Variants in CADPS observed in about 807,000 individuals in gnomAD.
CADPS encodes calcium-dependent secretion activator 1.
CADPS carries 57 observed loss-of-function variants against 167.3 expected under a neutral mutation model. The ratio of observed to expected loss-of-function variants is 0.34; its 90% CI spans 0.28 to 0.42. The LOEUF (loss-of-function observed/expected upper bound fraction) is 0.42, where lower values mean the gene tolerates loss of function less well. Ranked by LOEUF, CADPS falls within the 20% of genes least tolerant of loss-of-function variation. The probability of loss-of-function intolerance (pLI) is 1.00; values close to 1 mark genes in which losing one functional copy is unlikely to be tolerated. For missense variants in CADPS, 1,414 were observed against 1,738.1 expected (o/e 0.81, Z 3.32); for synonymous variants, 676 against 635.3 (o/e 1.06, Z -0.96).
chr3:62,615,962 G>A (rs911563028), intron 6 of CADPS, among the ~76,000 whole-genome samples: 3 of 152,044 alleles, frequency 2.0e-5, no homozygotes, highest in Admixed American at 6.6e-5. Flanking sequence ...GAACAGATTC[G>A]ATACTGCATC....
chr3:62,690,809 G>T (rs2078971314), intron 3 of CADPS, among the ~76,000 whole-genome samples: 2 of 151,880 alleles, frequency 1.3e-5, no homozygotes, highest in South Asian at 4.2e-4. Context: ...TGTCAACAAT[G>T]TTTCCTTTTA....
At chr3:62,594,180 G>A (rs1166469195) in intron 6 of CADPS, among the ~76,000 whole-genome samples, 1 of 58,090 alleles carries the variant, frequency 1.7e-5, no homozygotes. Context: ...TTTATTTTTT[G>A]AGACAGAGTC....
chr3:62,560,896 T>C (rs1329183615), intron 9 of CADPS, among the ~76,000 whole-genome samples: 1 of 151,930 alleles, frequency 6.6e-6, no homozygotes, highest in East Asian at 1.9e-4. Flanking sequence ...CTGGCTAACA[T>C]GGTGAAACCC....
intron 26 of CADPS, among the ~76,000 whole-genome samples, chr3:62,459,814 T>C (rs2059120629): frequency 6.6e-6 from 1 of 152,222 alleles, no homozygotes; most frequent in South Asian, 2.1e-4. Flanking sequence ...TAAACAGGTA[T>C]AGAATGAAGG....
At chr3:62,726,915 C>A (rs890963162) in intron 3 of CADPS, among the ~76,000 whole-genome samples, 5 of 151,776 alleles carry the variant, frequency 3.3e-5, no homozygotes, top group African/African-American at 1.2e-4. Flanking sequence ...CAGGTTTTTG[C>A]ACGCATCTCT....
At chr3:62,694,104 G>T (rs2079791021) in intron 3 of CADPS, among the ~76,000 whole-genome samples, 1 of 152,058 alleles carries the variant, frequency 6.6e-6, no homozygotes, top group Admixed American at 6.6e-5. Context: ...CTACACATGG[G>T]CTTAACCCAG....
At chr3:62,664,953 A>G (rs899026212) in intron 3 of CADPS, among the ~76,000 whole-genome samples, 1 of 152,182 alleles carries the variant, frequency 6.6e-6, no homozygotes, top group Non-Finnish European at 1.5e-5. Flanking sequence ...CATTCATTAA[A>G]TTTTTATGGA....
At chr3:62,422,787 A>G (rs1298905006) in intron 28 of CADPS, among the ~76,000 whole-genome samples, 2 of 152,336 alleles carry the variant, frequency 1.3e-5, no homozygotes, top group African/African-American at 4.8e-5. Flanking sequence ...GTGAAACCTC[A>G]TAGTGCCATT....
At chr3:62,735,528 T>C (rs2078824196) in intron 3 of CADPS, among the ~76,000 whole-genome samples, 1 of 152,146 alleles carries the variant, frequency 6.6e-6, no homozygotes, top group South Asian at 2.1e-4. Context: ...ATCCAGAAAG[T>C]GGTGGAGACT....
At chr3:62,792,279 C>A (rs1372630735) in intron 1 of CADPS, among the ~76,000 whole-genome samples, 3 of 151,468 alleles carry the variant, frequency 2.0e-5, no homozygotes, top group African/African-American at 4.9e-5. Flanking sequence ...CTCACTGCAA[C>A]CTTGACCTTG....
At chr3:62,862,710 T>C (rs980561309) in intron 1 of CADPS, among the ~76,000 whole-genome samples, 2 of 152,250 alleles carry the variant, frequency 1.3e-5, no homozygotes, top group Admixed American at 6.5e-5. Flanking sequence ...CGTGAATCAC[T>C]ATGACTTTCA....
At chr3:62,609,220 C>G (rs1461803655) in intron 6 of CADPS, among the ~76,000 whole-genome samples, 1 of 129,230 alleles carries the variant, frequency 7.7e-6, no homozygotes, top group Non-Finnish European at 1.7e-5. Flanking sequence ...AGTGGACCCT[C>G]TTTTTTTTTT....
At chr3:62,699,017 A>C (rs2080905299) in intron 3 of CADPS, among the ~76,000 whole-genome samples, 1 of 151,906 alleles carries the variant, frequency 6.6e-6, no homozygotes, top group Non-Finnish European at 1.5e-5. Context: ...TGGTTACATG[A>C]ATAACAAGTT....
At chr3:62,539,492 G>A (rs1411141505) in intron 11 of CADPS, among the ~76,000 whole-genome samples, 2 of 151,586 alleles carry the variant, frequency 1.3e-5, no homozygotes, top group Non-Finnish European at 2.9e-5. Context: ...GAGTTTCATT[G>A]AGCTTATTAT....
rs950026980 is a variant in CADPS, at chr3:62,420,997, T to C, written c.3777+17107A>G. On this transcript the variant is annotated intron_variant, in intron 28 of 29. Transcript: ENST00000383710. The surrounding 1 kb of genome is among the most constrained non-coding windows in gnomAD (Gnocchi z 4.1). ...TGTAAAAGGCACAAACCTCAGACCA[T>C]TGTCCTTATACAAGATACACATTCA... 4.6e-5 allele frequency among the ~76,000 whole-genome samples: 7 copies of C among 151,866 alleles called. No individual in the cohort carries two copies. The highest frequency in any genetic ancestry group is 9.7e-5 in the African/African-American group (4 of 41,348).
chr3:62,423,945 A>G (rs1289146292), intron 28 of CADPS, among the ~76,000 whole-genome samples: 1 of 152,242 alleles, frequency 6.6e-6, no homozygotes, highest in Non-Finnish European at 1.5e-5. Flanking sequence ...TTATTATTAA[A>G]CAGCCATTTA....
At chr3:62,517,129 A>T (rs1409427794) in intron 14 of CADPS, among the ~76,000 whole-genome samples, 1 of 152,076 alleles carries the variant, frequency 6.6e-6, no homozygotes, top group African/African-American at 2.4e-5. Context: ...ATTGTTATGG[A>T]CCGTCTGCTA....
chr3:62,513,744 C>T, intron 16 of CADPS: 2 of 1,395,886 alleles, frequency 1.4e-6, no homozygotes, highest in Non-Finnish European at 2.0e-6. Context: ...AGGCTTAGGT[C>T]AGAGGTAAAG....
At chr3:62,653,470 A>G (rs533299692) in intron 4 of CADPS, among the ~76,000 whole-genome samples, 2 of 152,284 alleles carry the variant, frequency 1.3e-5, no homozygotes, top group East Asian at 1.9e-4. Flanking sequence ...TATGTCAACT[A>G]TGGCATTCTG....
Sources: allele counts gnomAD v4.1 joint callset (sites outside exome capture counted in the v4.1 genomes callset), GRCh38; gene constraint gnomAD v4.1.1; non-coding constraint Gnocchi (gnomAD v3.1); transcripts MANE v1.5; gene names NCBI Gene and HGNC (gene_info 2026-07-23, HGNC 2026-07-21).